The following FLNB variants were observed in gnomAD, a reference collection of about 807,000 sequenced individuals.
The protein encoded by FLNB is filamin B, also known as filamin-B.
FLNB carries 111 observed loss-of-function variants against 250.6 expected under a neutral mutation model. That is an observed-to-expected ratio of 0.44 (90% CI 0.38 to 0.52). FLNB has a LOEUF of 0.52. FLNB is among the 20% of genes least tolerant of loss of function. The pLI is 0.00. For synonymous variants in FLNB, 1,302 were observed against 1,372.1 expected, an observed-to-expected ratio of 0.95 and a Z score of 1.13; for missense variants, 2,869 against 3,447.8, an observed-to-expected ratio of 0.83 and a Z score of 4.20.
rs78326277 is a variant in FLNB, at chr3:58,016,710, A to G, written c.292+7854A>G. 5.8e-3 allele frequency among the ~76,000 whole-genome samples: 880 copies of G among 151,376 alleles called. 9 individuals carry two copies. The highest frequency in any genetic ancestry group is 0.02 in the African/African-American group (829 of 41,236). ...TACATTTAGTTTTTTTCTTTTTTCCATATTCTTGTTATTCTGCTTTTAATT... is the reference window on the plus strand; with the variant it reads ...TACATTTAGTTTTTTTCTTTTTTCCGTATTCTTGTTATTCTGCTTTTAATT... On this transcript the variant is annotated intron_variant, in intron 1 of 45. Coordinates refer to ENST00000295956, the MANE Select transcript of FLNB (RefSeq NM_001457.4).
Position 58,121,427 on chromosome 3 carries a change from A to G in FLNB, c.3050A>G (p.Asp1017Gly). 6.2e-7 allele frequency: 1 copy of G among 1,614,076 alleles called. No homozygotes were observed. Among genetic ancestry groups the G allele is most frequent in the Admixed American group, 1.7e-5 (1 of 60,012 alleles). Reference protein sequence around the residue: ...IPREEGLYAVDVTYDGHPVPG... With the variant: ...IPREEGLYAVGVTYDGHPVPG... Reference sequence around the variant, plus strand: ...CGGGAGGAGGGGCTGTATGCTGTAGACGTGACCTACGATGGACACCCTGTG... The same window carrying G: ...CGGGAGGAGGGGCTGTATGCTGTAGGCGTGACCTACGATGGACACCCTGTG... The change falls in exon 20 of 46, where the codon GAC becomes GGC. Residue 1017 changes from aspartate to glycine, a missense_variant. Asp to Gly is a moderately conservative substitution (Grantham distance 94). Transcript: ENST00000295956.
chr3:58,061,993 AG>A, intron 1 of FLNB, among the ~76,000 whole-genome samples: 1 of 152,020 alleles, frequency 6.6e-6, no homozygotes, highest in East Asian at 1.9e-4. Context: ...TGGGAGGCTG[AG>A]GTGGGAGAAT....
At chr3:58,085,416 C>T (rs2097215902) in intron 4 of FLNB, among the ~76,000 whole-genome samples, 1 of 152,260 alleles carries the variant, frequency 6.6e-6, no homozygotes, top group African/African-American at 2.4e-5. Context: ...TGCTTCATTT[C>T]TGCCACCTGA....
At chr3:58,098,624 C>A in intron 7 of FLNB, 87 bp from the exon 8 acceptor site, 2 of 1,292,556 alleles carry the variant, frequency 1.5e-6, no homozygotes, top group Non-Finnish European at 2.2e-6. Context: ...TGAGCCACCA[C>A]ACTGGTCCTG....
intron 1 of FLNB, among the ~76,000 whole-genome samples, chr3:58,065,323 A>G (rs1385091481): frequency 6.6e-6 from 1 of 152,210 alleles, no homozygotes; most frequent in Non-Finnish European, 1.5e-5. Flanking sequence ...CTGTCTCCTC[A>G]TCTCCAAAAT....
intron 22 of FLNB, among the ~76,000 whole-genome samples, chr3:58,124,940 T>A (rs1012482354): frequency 6.6e-6 from 1 of 152,176 alleles, no homozygotes; most frequent in Admixed American, 6.5e-5. Context: ...TTCTTGTGGA[T>A]GCCTGTTTCT....
intron 44 of FLNB, 45 bp downstream of exon 44, chr3:58,168,703 C>A: frequency 7.3e-7 from 1 of 1,371,246 alleles, no homozygotes; most frequent in Non-Finnish European, 1.0e-6. Flanking sequence ...TCCTGGGGAG[C>A]TGGTTGTGTC....
rs367724105 is a variant in FLNB, at chr3:58,154,618, T to G, written c.6635-173T>G. 9.1e-4 allele frequency: 583 copies of G among 637,532 alleles called. 1 individual carries two copies. The highest frequency in any genetic ancestry group is 3.9e-3 in the African/African-American group (216 of 54,874). The allele number at this position is 637,532 out of a possible 1,614,324, so 39.5% of individuals were successfully genotyped here. ...TGAATTTAGTTATCACTAGTGATGC[T>G]TAGGAAACTTCAGCAATGGACCTTG... On this transcript the variant is annotated intron_variant, in intron 39 of 45. Transcript: ENST00000295956.
intron 38 of FLNB, chr3:58,150,514 A>G: frequency 2.1e-6 from 1 of 468,606 alleles, no homozygotes; most frequent in Non-Finnish European, 3.9e-6. Context: ...TTTTTAGATT[A>G]ACTATCTGTC....
chr3:58,020,814 T>G (rs914595533), intron 1 of FLNB, among the ~76,000 whole-genome samples: 1 of 151,958 alleles, frequency 6.6e-6, no homozygotes, highest in African/African-American at 2.4e-5. Flanking sequence ...GGGTGGGGAT[T>G]TGTGGCAGGC....
chr3:58,097,524 C>A (rs1009027408), intron 6 of FLNB, among the ~76,000 whole-genome samples: 23 of 152,154 alleles, frequency 1.5e-4, no homozygotes, highest in African/African-American at 5.6e-4. Context: ...GACTCAATGT[C>A]CAGAGATTGA....
At chr3:58,012,136 G>A (rs996994348) in intron 1 of FLNB, among the ~76,000 whole-genome samples, 4 of 150,304 alleles carry the variant, frequency 2.7e-5, no homozygotes, top group African/African-American at 4.9e-5. Context: ...GCTTGAACCC[G>A]GGAGGTGGAG....
intron 24 of FLNB, 68 bp downstream of exon 24, chr3:58,126,830 T>C (rs1348088997): frequency 1.3e-5 from 19 of 1,430,608 alleles, no homozygotes; most frequent in Middle Eastern, 1.8e-4. Flanking sequence ...TTGATTTTGG[T>C]TATCTCTCTG....
intron 1 of FLNB, among the ~76,000 whole-genome samples, chr3:58,050,586 C>T (rs1455232618): frequency 6.6e-6 from 1 of 152,148 alleles, no homozygotes; most frequent in Non-Finnish European, 1.5e-5. Context: ...GCAGTTCTGC[C>T]CAGCTGAAGT....
chr3:58,087,477 G>T (rs1452670299), intron 4 of FLNB, among the ~76,000 whole-genome samples: 1 of 151,526 alleles, frequency 6.6e-6, no homozygotes, highest in Non-Finnish European at 1.5e-5. Flanking sequence ...TTTTTGAGAC[G>T]GAGTCTCACT....
intron 25 of FLNB, chr3:58,131,853 G>C: frequency 9.7e-7 from 1 of 1,036,038 alleles, no homozygotes; most frequent in Non-Finnish European, 1.4e-6. Flanking sequence ...GGGAGAAAAA[G>C]AAGAAAGAGA....
In FLNB at chr3:58,091,064, C is replaced by T. The variant is rs928013210; in HGVS notation, c.788-3772C>T. Among the ~76,000 whole-genome samples, 10 of 149,158 alleles carry T rather than the reference C, an allele frequency of 6.7e-5. No homozygotes were observed. In the South Asian group the frequency reaches 8.4e-4, roughly 13 times the overall value. On this transcript the variant is annotated intron_variant, in intron 4 of 45. Coordinates refer to ENST00000295956, the MANE Select transcript of FLNB (RefSeq NM_001457.4). Reference sequence around the variant, plus strand: ...CCGCACTGTAGCCTGGGCGACAGAGCGAGACTCCGTCTCAAAAAAAAAAAA... The same window carrying T: ...CCGCACTGTAGCCTGGGCGACAGAGTGAGACTCCGTCTCAAAAAAAAAAAA...
Position 58,106,856 on chromosome 3 carries a change from G to A in FLNB, c.1924G>A (p.Gly642Ser). ...YMAFIHPATG[G>S]YNPDLVRAYG... ...GGCCTTCATCCACCCAGCCACGGGA[G>A]GCTACAACCCTGATCTGGTGAATCA... is the stretch of plus-strand genomic sequence containing the variant. Residue 642 changes from glycine (G) to serine (S), a missense_variant, in exon 12 of 46, where the codon GGC becomes AGC. Around this residue, in one of 5 missense-constraint regions of FLNB, gnomAD observed 1,348 missense variants for 1,466.7 expected, o/e 0.92. Coordinates refer to ENST00000295956, the MANE Select transcript of FLNB (RefSeq NM_001457.4). 1 of 1,613,784 alleles carries A rather than the reference G, an allele frequency of 6.2e-7. No individual in the cohort carries two copies. Among genetic ancestry groups the A allele is most frequent in the Non-Finnish European group, 8.5e-7 (1 of 1,179,972 alleles).
At position 58,048,871 on chromosome 3, in the gene FLNB, T is replaced by C. The variant is rs546116888; in HGVS notation, c.293-28175T>C. Among the ~76,000 whole-genome samples, 8 of 152,368 alleles carry C rather than the reference T, an allele frequency of 5.3e-5. 1 individual carries two copies. The East Asian group carries it at 1.5e-3, about 29-fold the overall frequency. On this transcript the variant is annotated intron_variant, in intron 1 of 45. Coordinates refer to ENST00000295956, the MANE Select transcript of FLNB (RefSeq NM_001457.4). ...AAATGTAACTAGTGACTGGTAACTCTCATTTGTATTTTAAACATTGGCTTT... is the reference window on the plus strand; with the variant it reads ...AAATGTAACTAGTGACTGGTAACTCCCATTTGTATTTTAAACATTGGCTTT...
Sources: gnomAD v4.1 joint callset for allele counts (sites outside exome capture counted in the v4.1 genomes callset) on GRCh38, gnomAD v4.1.1 for gene constraint, gnomAD v4.1.1 regional missense constraint, MANE v1.5 for transcripts, NCBI Gene and HGNC (gene_info 2026-07-23, HGNC 2026-07-21) for gene names.